Variants in BMPER observed in about 807,000 individuals in gnomAD.
The protein encoded by BMPER is BMP binding endothelial regulator.
BMPER carries 45 observed loss-of-function variants against 87.3 expected under a neutral mutation model. The observed-to-expected ratio is 0.52, with a 90% CI of 0.41 to 0.66. The LOEUF (loss-of-function observed/expected upper bound fraction) is 0.66. BMPER is among the 30% of genes least tolerant of loss of function. The pLI, the probability that BMPER is intolerant of heterozygous loss-of-function variation, is 0.00. For synonymous variants in BMPER, 326 were observed against 316.2 expected (o/e 1.03, Z -0.33); for missense variants, 784 against 867.5 (o/e 0.90, Z 1.21).
chr7:34,095,103 T>G (rs1789493431), intron 13 of BMPER, among the ~76,000 whole-genome samples: 1 of 152,180 alleles, frequency 6.6e-6, no homozygotes, highest in African/African-American at 2.4e-5. Context: ...ATTCTTTCAA[T>G]GGATAAGATT....
chr7:34,019,549 G>A lies in BMPER; in HGVS notation c.577-26757G>A, dbSNP rs532194701. 3.9e-5 allele frequency among the ~76,000 whole-genome samples: 6 copies of A among 152,164 alleles called. No individual in the cohort carries two copies. The South Asian group carries it at 6.2e-4, about 16-fold the overall frequency. ...AAGCTGCCTGATGTTGCTGAGTTTG[G>A]TCTCCTCCTTGAAGTGATGATGTCA... On this transcript the variant is annotated intron_variant, in intron 6 of 14. Transcript: ENST00000649409.
At chr7:34,131,287 C>T (rs777069149) in intron 13 of BMPER, among the ~76,000 whole-genome samples, 10 of 152,002 alleles carry the variant, frequency 6.6e-5, no homozygotes, top group Admixed American at 5.2e-4. Flanking sequence ...AGCTATCCCT[C>T]GGCAGCCAAG....
intron 3 of BMPER, among the ~76,000 whole-genome samples, chr7:33,943,189 C>T (rs1585662089): frequency 6.6e-6 from 1 of 152,246 alleles, no homozygotes; most frequent in South Asian, 2.1e-4. Context: ...ACAACTGTTA[C>T]CAATTTATTG....
intron 10 of BMPER, among the ~76,000 whole-genome samples, chr7:34,059,509 C>G: frequency 6.7e-6 from 1 of 150,324 alleles, no homozygotes; most frequent in East Asian, 2.0e-4. Flanking sequence ...GAGGCCTTTC[C>G]CTGCCCCACC....
chr7:34,045,367 C>G (rs1018872092), intron 6 of BMPER, among the ~76,000 whole-genome samples: 2 of 152,140 alleles, frequency 1.3e-5, no homozygotes, highest in African/African-American at 4.8e-5. Flanking sequence ...TACAACTTAA[C>G]TGGGGCTGGG....
chr7:34,114,995 C>T (rs1372552055), intron 13 of BMPER, among the ~76,000 whole-genome samples: 1 of 152,200 alleles, frequency 6.6e-6, no homozygotes, highest in African/African-American at 2.4e-5. Context: ...AAAGAATATT[C>T]AATTAGCAAT....
At position 33,948,980 on chromosome 7, in the gene BMPER, C is replaced by T. The variant is rs748169634; in HGVS notation, c.319+11592C>T. Among the ~76,000 whole-genome samples, 6 of 152,184 alleles carry T rather than the reference C, an allele frequency of 3.9e-5. No individual in the cohort carries two copies. In the East Asian group the frequency reaches 5.8e-4, roughly 15 times the overall value. ...GAAATGAACTCGGCAGTTCTTCACC[C>T]GGGCACAGCCCCCTTCTCCCTCCAG... On this transcript the variant is annotated intron_variant, in intron 3 of 14. Coordinates refer to ENST00000649409, the MANE Select transcript of BMPER (RefSeq NM_001365308.1).
At chr7:33,948,242 T>C (rs998513601) in intron 3 of BMPER, among the ~76,000 whole-genome samples, 4 of 152,326 alleles carry the variant, frequency 2.6e-5, no homozygotes, top group African/African-American at 9.6e-5. Context: ...TGCCTTCCCC[T>C]AAAAGGTCTG....
chr7:33,974,214 G>A (rs1361196342), intron 5 of BMPER, among the ~76,000 whole-genome samples: 8 of 152,158 alleles, frequency 5.3e-5, no homozygotes, highest in African/African-American at 1.7e-4. Context: ...TCCCTACTTT[G>A]TAGGATCATT....
At chr7:33,922,721 A>G (rs931483011) in intron 2 of BMPER, among the ~76,000 whole-genome samples, 2 of 152,162 alleles carry the variant, frequency 1.3e-5, no homozygotes, top group African/African-American at 2.4e-5. Context: ...GTGGAGACCC[A>G]CCTGTGATCT....
At chr7:33,953,230 C>T (rs1232205502) in intron 3 of BMPER, among the ~76,000 whole-genome samples, 1 of 152,236 alleles carries the variant, frequency 6.6e-6, no homozygotes, top group Non-Finnish European at 1.5e-5. Flanking sequence ...GGCAAGGCCA[C>T]ACAGAGGAGC....
intron 5 of BMPER, among the ~76,000 whole-genome samples, chr7:33,971,735 C>T (rs1785552454): frequency 6.6e-6 from 1 of 152,162 alleles, no homozygotes; most frequent in East Asian, 1.9e-4. Context: ...CCAATTCCAT[C>T]AGAATCTCTG....
chr7:34,138,576 T>C (rs1039368541), intron 13 of BMPER, among the ~76,000 whole-genome samples: 1 of 152,194 alleles, frequency 6.6e-6, no homozygotes, highest in African/African-American at 2.4e-5. Context: ...CCAGGCAAGA[T>C]GCCAGGAGTG....
intron 13 of BMPER, among the ~76,000 whole-genome samples, chr7:34,136,474 A>G (rs548335414): frequency 1.5e-4 from 23 of 151,446 alleles, no homozygotes; most frequent in South Asian, 6.2e-4. Flanking sequence ...CAGGATTTCA[A>G]GGATTAAAAT....
chr7:34,086,466 G>A (rs907598060), intron 13 of BMPER, among the ~76,000 whole-genome samples: 3 of 152,150 alleles, frequency 2.0e-5, no homozygotes, highest in South Asian at 2.1e-4. Context: ...TCCCCTAAAC[G>A]GAATCTCAAG....
At chr7:34,019,080 T>G (rs1787112660) in intron 6 of BMPER, among the ~76,000 whole-genome samples, 1 of 152,008 alleles carries the variant, frequency 6.6e-6, no homozygotes, top group Admixed American at 6.6e-5. Context: ...ACAACTTATT[T>G]AATTACTCCC....
At chr7:34,048,748 G>C (rs1004259214) in intron 7 of BMPER, among the ~76,000 whole-genome samples, 6 of 152,160 alleles carry the variant, frequency 3.9e-5, no homozygotes, top group African/African-American at 1.4e-4. Flanking sequence ...TACTACAAAA[G>C]GAACAATAAG....
intron 13 of BMPER, among the ~76,000 whole-genome samples, chr7:34,142,758 G>A (rs1790906081): frequency 6.6e-6 from 1 of 152,184 alleles, no homozygotes; most frequent in Non-Finnish European, 1.5e-5. Flanking sequence ...ACCATTTTTG[G>A]AAACATTGCA....
intron 13 of BMPER, among the ~76,000 whole-genome samples, chr7:34,099,410 C>T (rs1202803859): frequency 6.6e-6 from 1 of 152,100 alleles, no homozygotes; most frequent in African/African-American, 2.4e-5. Context: ...AATGTATTTT[C>T]ATTTTGAAGG....
Sources: allele counts gnomAD v4.1 joint callset (sites outside exome capture counted in the v4.1 genomes callset), GRCh38; gene constraint gnomAD v4.1.1; transcripts MANE v1.5; gene names NCBI Gene and HGNC (gene_info 2026-07-23, HGNC 2026-07-21).